Variants in UBE2E1 observed in about 807,000 individuals in gnomAD.
UBE2E1 encodes the protein ubiquitin conjugating enzyme E2 E1.
A neutral mutation model predicts 21.4 loss-of-function variants in UBE2E1; 6 were observed. That is an observed-to-expected ratio of 0.28 (90% CI 0.15 to 0.55). The LOEUF (loss-of-function observed/expected upper bound fraction) is 0.55, where lower values mean the gene tolerates loss of function less well. Ranked by LOEUF, UBE2E1 falls within the 20% of genes least tolerant of loss-of-function variation. The pLI is 0.93. For missense variants in UBE2E1, 142 were observed against 236.5 expected (o/e 0.60, Z 2.62); for synonymous variants, 87 against 82.7 (o/e 1.05, Z -0.28).
chr3:23,865,906 C>T (rs1386724592), intron 3 of UBE2E1, among the ~76,000 whole-genome samples: 2 of 152,140 alleles, frequency 1.3e-5, no homozygotes, highest in Non-Finnish European at 2.9e-5. Flanking sequence ...CATCTGTGGG[C>T]CTCTTTAGCT....
chr3:23,849,481 G>A (rs1051965268), intron 3 of UBE2E1, among the ~76,000 whole-genome samples: 22 of 152,086 alleles, frequency 1.4e-4, no homozygotes, highest in African/African-American at 5.1e-4. Flanking sequence ...TACATTAGGT[G>A]TTTGTTCTAA....
intron 3 of UBE2E1, among the ~76,000 whole-genome samples, chr3:23,818,687 G>T (rs536339142): frequency 6.6e-6 from 1 of 152,172 alleles, no homozygotes; most frequent in Non-Finnish European, 1.5e-5. Context: ...GTGGCCTGAC[G>T]GTGGAGCTGA....
At chr3:23,811,202 G>C (rs1479268849) in intron 2 of UBE2E1, among the ~76,000 whole-genome samples, 1 of 152,224 alleles carries the variant, frequency 6.6e-6, no homozygotes, top group Non-Finnish European at 1.5e-5. Flanking sequence ...CCGAGGAATA[G>C]AACTGCCCTG....
intron 3 of UBE2E1, among the ~76,000 whole-genome samples, chr3:23,838,291 T>C (rs933194121): frequency 6.6e-6 from 1 of 152,078 alleles, no homozygotes; most frequent in Non-Finnish European, 1.5e-5. Flanking sequence ...AGTCTTGAAC[T>C]TCTGGGCTCA....
Position 23,885,340 on chromosome 3 carries a change from A to C in UBE2E1, c.204-2227A>C, listed in dbSNP as rs1034337937. ...TTCGAGGGGATGCAAACATGTAGGC[A>C]GGTAGGCAAACTTATGATGACCAAG... On this transcript the variant is annotated intron_variant, in intron 3 of 5. Transcript: ENST00000306627. Among the ~76,000 whole-genome samples the C allele has an allele frequency of 2.0e-5, 3 of 152,330 alleles. No homozygotes were observed. The East Asian group carries it at 5.8e-4, about 29-fold the overall frequency.
intron 3 of UBE2E1, among the ~76,000 whole-genome samples, chr3:23,834,715 C>T (rs977082302): frequency 6.6e-6 from 1 of 151,882 alleles, no homozygotes; most frequent in African/African-American, 2.4e-5. Context: ...GATGACAGAG[C>T]GAGACCCCGT....
At chr3:23,868,549 C>T (rs1033800036) in intron 3 of UBE2E1, among the ~76,000 whole-genome samples, 7 of 152,142 alleles carry the variant, frequency 4.6e-5, no homozygotes, top group East Asian at 1.9e-4. Flanking sequence ...CCTTGTGATC[C>T]GCCTGCCTCA....
chr3:23,886,821 TAA>T (rs1701197203), intron 3 of UBE2E1, among the ~76,000 whole-genome samples: 5 of 152,240 alleles, frequency 3.3e-5, no homozygotes, highest in Admixed American at 3.3e-4. Context: ...TACATTTATT[TAA>T]AAGAGTAGTT....
Position 23,881,393 on chromosome 3 carries a change from T to C in UBE2E1, c.204-6174T>C, listed in dbSNP as rs188658220. 2.0e-5 allele frequency among the ~76,000 whole-genome samples: 3 copies of C among 152,386 alleles called. No individual in the cohort carries two copies. The East Asian group carries it at 5.8e-4, about 29-fold the overall frequency. On this transcript the variant is annotated intron_variant, in intron 3 of 5. Transcript: ENST00000306627. ...TAGTTACAAATAAACCTTAAACCTCTGTGTAGAAAAATGTGAAAGGTATAG... is the reference window on the plus strand; with the variant it reads ...TAGTTACAAATAAACCTTAAACCTCCGTGTAGAAAAATGTGAAAGGTATAG...
At chr3:23,828,138 T>C (rs1488410257) in intron 3 of UBE2E1, among the ~76,000 whole-genome samples, 2 of 152,206 alleles carry the variant, frequency 1.3e-5, no homozygotes, top group African/African-American at 4.8e-5. Flanking sequence ...TTAAAAAATA[T>C]GATTATTTTT....
chr3:23,872,432 T>A (rs1365602214), intron 3 of UBE2E1, among the ~76,000 whole-genome samples: 1 of 152,080 alleles, frequency 6.6e-6, no homozygotes, highest in Non-Finnish European at 1.5e-5. Flanking sequence ...TAACTTTTGT[T>A]TTTTAATGTC....
chr3:23,853,112 C>T lies in UBE2E1; in HGVS notation c.204-34455C>T, dbSNP rs1395928435. 6.6e-6 allele frequency among the ~76,000 whole-genome samples: 1 copy of T among 152,020 alleles called. No homozygotes were observed. Among genetic ancestry groups the T allele is most frequent in the Non-Finnish European group, 1.5e-5 (1 of 67,996 alleles). On this transcript the variant is annotated intron_variant, in intron 3 of 5. Transcript: ENST00000306627. This position sits in a 1 kb window ranked among gnomAD's most constrained non-coding sequence, Gnocchi z 4.1. Reference sequence around the variant, plus strand: ...TATTTTTTGTTGGTCAGGCTGGTCTCGAACTCCCAACCTCAGGTGATCTGC... The same window carrying T: ...TATTTTTTGTTGGTCAGGCTGGTCTTGAACTCCCAACCTCAGGTGATCTGC...
At position 23,810,471 on chromosome 3, in the gene UBE2E1, G is replaced by T. The variant is rs148207801; in HGVS notation, c.153-989G>T. The stretch of plus-strand genomic sequence containing the variant: ...CTATCCCCAGTGTGAGCTAGAGAGC[G>T]GACCATGAAGGAAGTGGGCAGACCC... On this transcript the variant is annotated intron_variant, in intron 2 of 5. Transcript: ENST00000306627. The surrounding 1 kb of genome is among the most constrained non-coding windows in gnomAD (Gnocchi z 5.8). 1 of 1,535,792 alleles carries T rather than the reference G, an allele frequency of 6.5e-7. No individual in the cohort carries two copies. Among genetic ancestry groups the T allele is most frequent in the Non-Finnish European group, 8.7e-7 (1 of 1,146,670 alleles).
rs1322381226 is a variant in UBE2E1, at chr3:23,866,813, T to G, written c.204-20754T>G. Among the ~76,000 whole-genome samples, 6 of 152,250 alleles carry G rather than the reference T, an allele frequency of 3.9e-5. No homozygotes were observed. In the East Asian group the frequency reaches 9.6e-4, roughly 24 times the overall value. On this transcript the variant is annotated intron_variant, in intron 3 of 5. Coordinates refer to ENST00000306627, the MANE Select transcript of UBE2E1 (RefSeq NM_003341.5). ...CCTTTTGGCAGATCACAAGATTTTC[T>G]TGTTCTTATTTAATCCTGGCTTCCA...
intron 3 of UBE2E1, among the ~76,000 whole-genome samples, chr3:23,875,817 G>A (rs1700901879): frequency 1.3e-5 from 2 of 152,226 alleles, no homozygotes; most frequent in South Asian, 4.1e-4. Context: ...CTGTCGCCCA[G>A]GCTGGAGTGC....
chr3:23,844,029 C>A (rs1314700386), intron 3 of UBE2E1, among the ~76,000 whole-genome samples: 1 of 152,050 alleles, frequency 6.6e-6, no homozygotes, highest in East Asian at 1.9e-4. Context: ...TCTTAGGGCT[C>A]CTTTAATGAA....
Position 23,810,267 on chromosome 3 carries a change from G to A in UBE2E1, c.153-1193G>A, listed in dbSNP as rs968911988. On this transcript the variant is annotated intron_variant, in intron 2 of 5. Transcript: ENST00000306627. The surrounding 1 kb of genome is among the most constrained non-coding windows in gnomAD (Gnocchi z 5.8). Reference sequence around the variant, plus strand: ...AAAATTAGGCACCGTTTAGAAGGTGGAAGAAGCTTAGAGGCCCTAAACTGT... The same window carrying A: ...AAAATTAGGCACCGTTTAGAAGGTGAAAGAAGCTTAGAGGCCCTAAACTGT... Among the ~76,000 whole-genome samples the A allele has an allele frequency of 6.6e-6, 1 of 152,186 alleles. No individual in the cohort carries two copies. Among genetic ancestry groups the A allele is most frequent in the African/African-American group, 2.4e-5 (1 of 41,450 alleles).
At chr3:23,845,336 C>T (rs1168230198) in intron 3 of UBE2E1, among the ~76,000 whole-genome samples, 3 of 152,180 alleles carry the variant, frequency 2.0e-5, no homozygotes, top group Admixed American at 2.0e-4. Context: ...TGGCTATGCA[C>T]ATATATACTC....
intron 3 of UBE2E1, among the ~76,000 whole-genome samples, chr3:23,845,587 C>CTGTGTGTGTGTGTG (rs372552220): frequency 0.047 from 5,383 of 114,788 alleles, 164 homozygotes; most frequent in South Asian, 0.12. Context: ...CTCTCTCTCT[C>CTGTGTGTGTGTGTG]TCTGTGTGTG....
Sources: allele counts gnomAD v4.1 joint callset (sites outside exome capture counted in the v4.1 genomes callset), GRCh38; gene constraint gnomAD v4.1.1; non-coding constraint Gnocchi (gnomAD v3.1); transcripts MANE v1.5; gene names NCBI Gene and HGNC (gene_info 2026-07-23, HGNC 2026-07-21).